Variants in TESC observed in about 807,000 individuals in gnomAD.
TESC encodes the protein calcineurin B homologous protein 3.
In TESC, 19 loss-of-function variants were observed where a neutral mutation model predicts 31.0. That is an observed-to-expected ratio of 0.61 (90% confidence interval 0.43 to 0.90). The LOEUF (loss-of-function observed/expected upper bound fraction) is 0.90, where lower values mean the gene tolerates loss of function less well. TESC is among the 40% of genes least tolerant of loss of function. TESC has a pLI of 0.00. For missense variants in TESC, 248 were observed against 303.8 expected (o/e 0.82, Z 1.36); for synonymous variants, 109 against 114.8 (o/e 0.95, Z 0.32).
rs9308 is a variant in TESC at position 117,039,091 on chromosome 12, C to A, written c.*42G>T. On this transcript the variant is annotated 3_prime_UTR_variant, in exon 8 of 8. Coordinates refer to ENST00000335209, the MANE Select transcript of TESC (RefSeq NM_017899.4). ...CTGCTCCAGCTACGCGGGGAGGCGG[C>A]CCCATTGCAAAGTGCAGTTTCTCCG... The A allele has an allele frequency of 0.13, 206,943 of 1,604,522 alleles. 13,991 individuals are homozygous for A. Among genetic ancestry groups the A allele is most frequent in the African/African-American group, 0.19 (14,415 of 74,806 alleles).
Position 117,076,108 on chromosome 12 carries a change from C to T in TESC, c.59-768G>A, listed in dbSNP as rs560818298. Reference sequence around the variant, plus strand: ...CTGAGACTGCAGGCATGAGCCACCACGCCCAGCCTAGAGAAAACTGCATCT... The same window carrying T: ...CTGAGACTGCAGGCATGAGCCACCATGCCCAGCCTAGAGAAAACTGCATCT... On this transcript the variant is annotated intron_variant, in intron 1 of 7. Transcript: ENST00000335209. Among the ~76,000 whole-genome samples, 16 of 150,810 alleles carry T rather than the reference C, an allele frequency of 1.1e-4. 1 individual carries two copies. The South Asian group carries it at 2.1e-3, about 20-fold the overall frequency.
At position 117,046,674 on chromosome 12, in the gene TESC, G is replaced by T. The variant is rs777030096; in HGVS notation, c.412-8C>A. 2.1e-5 allele frequency: 33 copies of T among 1,552,206 alleles called. No homozygotes were observed. The South Asian group carries it at 3.6e-4, about 17-fold the overall frequency. ...CAGCAGCTCCTCGACCACCTGCCAG[G>T]TGGGGCGGAAACAAACGGTGACCTT... On this transcript the variant is annotated splice_polypyrimidine_tract_variant and splice_region_variant and intron_variant, in intron 5 of 7. Coordinates refer to ENST00000335209, the MANE Select transcript of TESC (RefSeq NM_017899.4).
chr12:117,066,981 C>T (rs1010667698), intron 2 of TESC, among the ~76,000 whole-genome samples: 10 of 152,140 alleles, frequency 6.6e-5, no homozygotes, highest in African/African-American at 2.2e-4. Context: ...GGAACGCCTC[C>T]GCACCTTTTC....
chr12:117,072,923 G>T (rs972524090), intron 2 of TESC, among the ~76,000 whole-genome samples: 2 of 152,176 alleles, frequency 1.3e-5, no homozygotes, highest in African/African-American at 4.8e-5. Context: ...AGCTACATGT[G>T]TGCATCACCA....
intron 2 of TESC, among the ~76,000 whole-genome samples, chr12:117,068,768 G>A (rs1954921393): frequency 6.6e-6 from 1 of 152,030 alleles, no homozygotes; most frequent in South Asian, 2.1e-4. Context: ...TTTGTAATGT[G>A]GCTTTATCTA....
chr12:117,067,999 T>C (rs1043603846), intron 2 of TESC, among the ~76,000 whole-genome samples: 1 of 152,108 alleles, frequency 6.6e-6, no homozygotes, highest in Non-Finnish European at 1.5e-5. Flanking sequence ...TCAAACAATC[T>C]TCCCACCTCA....
chr12:117,064,829 GCTAC>G (rs1367691433), intron 2 of TESC, among the ~76,000 whole-genome samples: 1 of 152,196 alleles, frequency 6.6e-6, no homozygotes, highest in Non-Finnish European at 1.5e-5. Context: ...TGGGGAGGGT[GCTAC>G]CAGCATCTAG....
chr12:117,039,974 G>C (rs1275346966), intron 7 of TESC, among the ~76,000 whole-genome samples: 1 of 151,386 alleles, frequency 6.6e-6, no homozygotes, highest in Admixed American at 6.6e-5. Context: ...ATGGTAGGAT[G>C]GGGGGGTGCC....
chr12:117,056,417 G>A (rs1207750639), intron 3 of TESC, among the ~76,000 whole-genome samples: 1 of 138,352 alleles, frequency 7.2e-6, no homozygotes, highest in African/African-American at 3.0e-5. Context: ...CTGTTGCCCA[G>A]GCTGGAGTGC....
chr12:117,057,821 A>G (rs968442654), intron 2 of TESC, among the ~76,000 whole-genome samples: 1 of 152,166 alleles, frequency 6.6e-6, no homozygotes, highest in African/African-American at 2.4e-5. Context: ...GCTGGAGTGC[A>G]GTGGTGCAAT....
intron 6 of TESC, among the ~76,000 whole-genome samples, chr12:117,044,459 C>T (rs1592990631): frequency 6.6e-6 from 1 of 152,254 alleles, no homozygotes; most frequent in African/African-American, 2.4e-5. Flanking sequence ...AAAAGGCCCC[C>T]ATGGCCAGAG....
intron 1 of TESC, among the ~76,000 whole-genome samples, chr12:117,094,692 T>C (rs905838536): frequency 6.6e-6 from 1 of 152,122 alleles, no homozygotes; most frequent in Non-Finnish European, 1.5e-5. Flanking sequence ...AGCCAACCCC[T>C]GAACAATAAT....
chr12:117,083,088 A>G (rs1047778708), intron 1 of TESC, among the ~76,000 whole-genome samples: 2 of 107,704 alleles, frequency 1.9e-5, no homozygotes, highest in African/African-American at 1.0e-4. Flanking sequence ...ACTCCAAAAC[A>G]ATTTTTTTTT....
At chr12:117,070,962 C>T (rs1954963475) in intron 2 of TESC, among the ~76,000 whole-genome samples, 2 of 131,556 alleles carry the variant, frequency 1.5e-5, no homozygotes, top group Non-Finnish European at 3.3e-5. Flanking sequence ...CACAGCGAGA[C>T]TCTGTCAAAA....
chr12:117,051,016 A>G (rs7294692), intron 3 of TESC, among the ~76,000 whole-genome samples: 68,672 of 152,050 alleles, frequency 0.45, 17,943 homozygotes, highest in African/African-American at 0.73. Context: ...GACTGTGACC[A>G]TGAGCGCCCG....
chr12:117,086,503 C>T (rs1315964113), intron 1 of TESC, among the ~76,000 whole-genome samples: 2 of 152,196 alleles, frequency 1.3e-5, no homozygotes, highest in Non-Finnish European at 2.9e-5. Context: ...ACGATCACAG[C>T]TCACAGCAGC....
chr12:117,048,934 G>A (rs1954607021), intron 4 of TESC, 85 bp downstream of exon 4: 2 of 1,595,138 alleles, frequency 1.3e-6, no homozygotes, highest in African/African-American at 2.7e-5. Flanking sequence ...CCAGCCTCCT[G>A]CTGCAGAGGC....
chr12:117,056,660 C>T, intron 3 of TESC, 146 bp downstream of exon 3: 1 of 819,060 alleles, frequency 1.2e-6, no homozygotes, highest in African/African-American at 1.7e-5. Flanking sequence ...ATGGTCCAAC[C>T]CCAAACCTAT....
At position 117,054,943 on chromosome 12, in the gene TESC, T is replaced by G. The variant is rs1954699923; in HGVS notation, c.209+1863A>C. On this transcript the variant is annotated intron_variant, in intron 3 of 7. Coordinates refer to ENST00000335209, the MANE Select transcript of TESC (RefSeq NM_017899.4). ...GGTATACCCACCCCTTCATCCCCCC[T>G]AGAGTCCCAGACACCTCCAGGCTCC... Among the ~76,000 whole-genome samples, 3 of 151,966 alleles carry G rather than the reference T, an allele frequency of 2.0e-5. No individual in the cohort carries two copies. In the South Asian group the frequency reaches 6.2e-4, roughly 32 times the overall value.
Sources: allele counts gnomAD v4.1 joint callset (sites outside exome capture counted in the v4.1 genomes callset), GRCh38; gene constraint gnomAD v4.1.1; transcripts MANE v1.5; gene names NCBI Gene and HGNC (gene_info 2026-07-23, HGNC 2026-07-21).